The following ALS2 variants were observed in gnomAD, a reference collection of about 807,000 sequenced individuals.
ALS2 encodes alsin.
In ALS2, 117 loss-of-function variants were observed where a neutral mutation model predicts 203.4. The observed-to-expected ratio is 0.58, with a 90% CI of 0.50 to 0.67. The LOEUF (loss-of-function observed/expected upper bound fraction) is 0.67. ALS2 is among the 30% of genes least tolerant of loss of function. The probability of loss-of-function intolerance (pLI) is 0.00; values close to 1 mark genes in which losing one functional copy is unlikely to be tolerated. For synonymous variants in ALS2, 718 were observed against 725.9 expected, an observed-to-expected ratio of 0.99 and a Z score of 0.17; for missense variants, 1,715 against 1,989.4, an observed-to-expected ratio of 0.86 and a Z score of 2.62.
At chr2:201,708,195 A>G (rs1689845213) in intron 27 of ALS2, among the ~76,000 whole-genome samples, 1 of 152,046 alleles carries the variant, frequency 6.6e-6, no homozygotes, top group Non-Finnish European at 1.5e-5. Flanking sequence ...ACGTGCTATG[A>G]TTTTCTCCTG....
intron 13 of ALS2, among the ~76,000 whole-genome samples, chr2:201,732,915 A>G (rs1165927349): frequency 6.6e-6 from 1 of 152,220 alleles, no homozygotes; most frequent in Non-Finnish European, 1.5e-5. Flanking sequence ...GGTGTATGCC[A>G]TTATACAGAA....
chr2:201,725,006 G>A (rs373726070), intron 20 of ALS2, among the ~76,000 whole-genome samples: 5 of 151,830 alleles, frequency 3.3e-5, no homozygotes, highest in South Asian at 4.2e-4. Flanking sequence ...CCACCTACTC[G>A]GGAGGCTGAA....
chr2:201,754,075 A>G (rs911458367), intron 6 of ALS2, among the ~76,000 whole-genome samples: 1 of 151,840 alleles, frequency 6.6e-6, no homozygotes, highest in Non-Finnish European at 1.5e-5. Context: ...AAGTGGCACA[A>G]TCTCAGCTTA....
At chr2:201,760,708 T>G (rs1220851403) in intron 4 of ALS2, 173 bp downstream of exon 4, 5 of 1,420,472 alleles carry the variant, frequency 3.5e-6, no homozygotes, top group Non-Finnish European at 3.7e-6. Flanking sequence ...AAGAGTGATT[T>G]TGAATTAATC....
chr2:201,722,342 T>G (rs779790203), intron 23 of ALS2: 16 of 152,362 alleles, frequency 1.1e-4, no homozygotes, highest in Admixed American at 3.3e-4. Context: ...AGAAATATTT[T>G]TTGATATGGA....
chr2:201,770,491 T>C (rs746630983), intron 1 of ALS2, among the ~76,000 whole-genome samples: 4 of 152,122 alleles, frequency 2.6e-5, no homozygotes, highest in Non-Finnish European at 5.9e-5. Context: ...CTCTACAAAC[T>C]GTTTTTACAA....
chr2:201,701,761 A>G lies in ALS2; in HGVS notation c.*90T>C, dbSNP rs1047511413. 1.6e-6 allele frequency: 2 copies of G among 1,257,024 alleles called. No individual in the cohort carries two copies. Among genetic ancestry groups the G allele is most frequent in the Non-Finnish European group, 2.3e-6 (2 of 858,228 alleles). The allele number at this position is 1,257,024 out of a possible 1,614,324, so 77.9% of individuals were successfully genotyped here. A position where few individuals can be genotyped will look rare whatever the true frequency, so the allele number is the denominator to read the frequency against. On this transcript the variant is annotated 3_prime_UTR_variant, in exon 34 of 34. Coordinates refer to ENST00000264276, the MANE Select transcript of ALS2 (RefSeq NM_020919.4). ...TAACACAAAGTCCTTTCCAATTTCA[A>G]CACTGTTCTTTTTTGCCACTACAGG...
chr2:201,752,309 C>T (rs571900327), intron 7 of ALS2, among the ~76,000 whole-genome samples: 2 of 152,246 alleles, frequency 1.3e-5, no homozygotes, highest in East Asian at 3.9e-4. Flanking sequence ...ACTTCCTTAA[C>T]ACTTTTGGTG....
chr2:201,755,090 T>C (rs976944077), intron 5 of ALS2, among the ~76,000 whole-genome samples: 2 of 152,162 alleles, frequency 1.3e-5, no homozygotes, highest in Non-Finnish European at 1.5e-5. Flanking sequence ...ACAAATACTT[T>C]TCTCATTTGA....
rs549479558 is a variant in ALS2 at position 201,745,458 on chromosome 2, T to C, written c.1999-1029A>G. ...AAAGCCCATATGCTATTTTACTTAA[T>C]AAAAATAAGAAATCCTAGAATATAC... is the stretch of plus-strand genomic sequence containing the variant. On this transcript the variant is annotated intron_variant, in intron 9 of 33. Transcript: ENST00000264276. Among the ~76,000 whole-genome samples, 8 of 152,174 alleles carry C rather than the reference T, an allele frequency of 5.3e-5. No individual in the cohort carries two copies. In the South Asian group the frequency reaches 8.3e-4, roughly 16 times the overall value.
intron 8 of ALS2, among the ~76,000 whole-genome samples, chr2:201,748,852 A>C (rs1692842227): frequency 6.6e-6 from 1 of 152,246 alleles, no homozygotes. Flanking sequence ...TGCACATTGC[A>C]TATATGAATT....
At chr2:201,767,169 C>T in intron 3 of ALS2, 60 bp downstream of exon 3, 1 of 1,607,792 alleles carries the variant, frequency 6.2e-7, no homozygotes, top group Non-Finnish European at 8.5e-7. Flanking sequence ...ACCTGACCTT[C>T]CACACTCAGG....
chr2:201,758,835 C>A (rs1303751536), intron 4 of ALS2, among the ~76,000 whole-genome samples: 1 of 151,594 alleles, frequency 6.6e-6, no homozygotes, highest in Non-Finnish European at 1.5e-5. Context: ...GGAAATAATT[C>A]CTGGTACCTA....
intron 6 of ALS2, 76 bp downstream of exon 6, chr2:201,754,427 G>T: frequency 6.3e-7 from 1 of 1,576,534 alleles, no homozygotes; most frequent in South Asian, 1.1e-5. Context: ...TGAGGAAAGT[G>T]AGATTTAGAG....
chr2:201,739,916 G>C (rs146989150), intron 11 of ALS2, among the ~76,000 whole-genome samples: 24 of 152,274 alleles, frequency 1.6e-4, no homozygotes, highest in African/African-American at 5.8e-4. Context: ...CTGGCAAATG[G>C]AATCAACTGA....
At chr2:201,733,950 TAATAA>T (rs2106025469) in intron 12 of ALS2, among the ~76,000 whole-genome samples, 1 of 152,304 alleles carries the variant, frequency 6.6e-6, no homozygotes, top group African/African-American at 2.4e-5. Context: ...TATAGGAAAG[TAATAA>T]AAAGCTGCAA....
intron 1 of ALS2, among the ~76,000 whole-genome samples, chr2:201,777,564 C>A (rs1329449639): frequency 6.6e-6 from 1 of 152,134 alleles, no homozygotes; most frequent in Non-Finnish European, 1.5e-5. Context: ...ACTCATCATC[C>A]AGTTTTAACA....
Position 201,757,698 on chromosome 2 carries a change from A to T in ALS2, c.1175T>A (p.Leu392Gln), listed in dbSNP as rs779624350. 6.2e-7 allele frequency: 1 copy of T among 1,613,768 alleles called. No individual in the cohort carries two copies. The highest frequency in any genetic ancestry group is 8.5e-7 in the Non-Finnish European group (1 of 1,180,038). ...TGCACAAGAGACCACCAGGCTGTTT[A>T]GGGCTGAGGTGCTTGTGGTAGGCGG... ...HSPPTTSTSA[L>Q]NSLVVSCASA... The change falls in exon 5 of 34, where the codon CTA becomes CAA. Residue 392 changes from leucine to glutamine, a missense_variant. Physicochemically the swap from Leu to Gln is moderately radical, Grantham distance 113. Transcript: ENST00000264276.
At chr2:201,742,557 C>G (rs1360109446) in intron 10 of ALS2, among the ~76,000 whole-genome samples, 1 of 152,178 alleles carries the variant, frequency 6.6e-6, no homozygotes, top group African/African-American at 2.4e-5. Context: ...TCAGAGCAAT[C>G]CAGGAAGCTT....
Sources: allele counts gnomAD v4.1 joint callset (sites outside exome capture counted in the v4.1 genomes callset), GRCh38; gene constraint gnomAD v4.1.1; transcripts MANE v1.5; gene names NCBI Gene and HGNC (gene_info 2026-07-23, HGNC 2026-07-21).